Variants in TSACC observed in about 807,000 individuals in gnomAD.
The protein encoded by TSACC is TSSK6 activating cochaperone, also known as TSSK6-activating co-chaperone protein.
A neutral mutation model predicts 6.9 loss-of-function variants in TSACC; 3 were observed. The ratio of observed to expected loss-of-function variants is 0.43; its 90% CI spans 0.20 to 1.12. TSACC has a LOEUF of 1.12. Among genes scored for constraint, TSACC ranks in the 50% most tolerant of loss-of-function variants. The probability of loss-of-function intolerance (pLI) is 0.28; values close to 1 mark genes in which losing one functional copy is unlikely to be tolerated. For synonymous variants in TSACC, 54 were observed against 55.1 expected (o/e 0.98, Z 0.09); for missense variants, 137 against 143.9 (o/e 0.95, Z 0.24).
At chr1:156,342,173 T>G (rs536411026) in intron 2 of TSACC, among the ~76,000 whole-genome samples, 1 of 152,216 alleles carries the variant, frequency 6.6e-6, no homozygotes, top group South Asian at 2.1e-4. Flanking sequence ...GCATGGAAAT[T>G]AACACATTAT....
intron 2 of TSACC, among the ~76,000 whole-genome samples, chr1:156,342,901 CCTA>C (rs1435293849): frequency 6.6e-6 from 1 of 152,132 alleles, no homozygotes; most frequent in African/African-American, 2.4e-5. Context: ...TTATTGTCTC[CCTA>C]CTGTCTTGCC....
Position 156,344,660 on chromosome 1 carries a change from TC to T in TSACC, c.119del (p.Pro40HisfsTer6). ...CAGCTATATTAATCTTCAAGCAAGT[TC>T]CCCACCAGCCACTTTTCTGAACATC... ...SPSYINLQAS[S>X]PPATFLNIQT... On this transcript the variant is annotated frameshift_variant, in exon 3 of 4. Coordinates refer to ENST00000368254, the MANE Select transcript of TSACC (RefSeq NM_001304817.2). LOFTEE classifies it low-confidence loss of function (END_TRUNC). The T allele has an allele frequency of 1.2e-6, 2 of 1,613,588 alleles. No individual in the cohort carries two copies. The highest frequency in any genetic ancestry group is 1.7e-6 in the Non-Finnish European group (2 of 1,179,934).
chr1:156,338,140 T>C (rs1242378227), upstream of TSACC: 1 of 1,582,232 alleles, frequency 6.3e-7, no homozygotes, highest in Admixed American at 1.9e-5. Flanking sequence ...TTTCCTGGCA[T>C]CCCCAGAACT....
intron 2 of TSACC, among the ~76,000 whole-genome samples, chr1:156,341,672 A>T (rs975808566): frequency 1.3e-5 from 2 of 152,182 alleles, no homozygotes; most frequent in African/African-American, 4.8e-5. Flanking sequence ...GTGTGTGTAA[A>T]GCAGTCTCTT....
intron 2 of TSACC, among the ~76,000 whole-genome samples, chr1:156,342,038 G>C (rs1665918730): frequency 6.7e-6 from 1 of 150,010 alleles, no homozygotes; most frequent in Admixed American, 6.6e-5. Flanking sequence ...CTCCAGCCTG[G>C]GCGACAGAGC....
upstream of TSACC, chr1:156,338,070 G>A (rs754420473): frequency 1.7e-5 from 25 of 1,457,496 alleles, no homozygotes; most frequent in Admixed American, 2.0e-4. Context: ...CCGGTCAGTG[G>A]GGGACGGAGC....
intron 2 of TSACC, among the ~76,000 whole-genome samples, chr1:156,340,346 A>G (rs1385476772): frequency 6.6e-6 from 1 of 151,542 alleles, no homozygotes; most frequent in African/African-American, 2.4e-5. Flanking sequence ...TTTTTAGTAG[A>G]GACGGGGTTT....
intron 3 of TSACC, 111 bp from the exon 4 acceptor site, chr1:156,346,657 G>A (rs1231200663): frequency 9.7e-7 from 1 of 1,035,458 alleles, no homozygotes; most frequent in African/African-American, 1.6e-5. Context: ...GGGTTGGGTT[G>A]TGCCTGGAAA....
chr1:156,339,254 C>A (rs1401605816), intron 1 of TSACC, among the ~76,000 whole-genome samples: 1 of 140,798 alleles, frequency 7.1e-6, no homozygotes, highest in African/African-American at 2.5e-5. Flanking sequence ...CAGAGCGAGA[C>A]TCCATCTCAA....
chr1:156,340,458 CTTT>C (rs1294722828), intron 2 of TSACC, among the ~76,000 whole-genome samples: 2 of 111,780 alleles, frequency 1.8e-5, no homozygotes, highest in African/African-American at 3.2e-5. Context: ...CGCCCCCGGC[CTTT>C]TTTTTTTTTT....
intron 2 of TSACC, among the ~76,000 whole-genome samples, chr1:156,341,919 G>A (rs1056481240): frequency 1.3e-5 from 2 of 151,902 alleles, no homozygotes; most frequent in South Asian, 2.1e-4. Flanking sequence ...AAAATTAGCC[G>A]GGCATTGTAG....
chr1:156,339,138 C>CCTGTAATCCCAGCTACTCAGGA, intron 1 of TSACC, among the ~76,000 whole-genome samples: 1 of 152,074 alleles, frequency 6.6e-6, no homozygotes, highest in South Asian at 2.1e-4. Flanking sequence ...GTGGCGCGCG[C>CCTGTAATCCCAGCTACTCAGGA]CTGTAATCCC....
chr1:156,339,250 G>C (rs928678494), intron 1 of TSACC, among the ~76,000 whole-genome samples: 10 of 147,858 alleles, frequency 6.8e-5, no homozygotes, highest in African/African-American at 2.5e-4. Context: ...GCGACAGAGC[G>C]AGACTCCATC....
chr1:156,346,193 C>CAA (rs60688957), intron 3 of TSACC, among the ~76,000 whole-genome samples: 9 of 53,560 alleles, frequency 1.7e-4, no homozygotes, highest in South Asian at 6.6e-4. Flanking sequence ...ACTCCGTCTC[C>CAA]AAAAAAAAAA....
At chr1:156,346,743 A>C (rs748494113) in intron 3 of TSACC, 25 bp from the exon 4 acceptor site, 1 of 1,609,148 alleles carries the variant, frequency 6.2e-7, no homozygotes, top group Non-Finnish European at 8.5e-7. Context: ...GTTCCCTTGC[A>C]CCTCCGTTGC....
At chr1:156,337,638 C>T (rs899456817), upstream of TSACC, 11 of 167,508 alleles carry the variant, frequency 6.6e-5, no homozygotes, top group African/African-American at 2.2e-4. Context: ...AGGATATTAC[C>T]TATTTACCAG....
At chr1:156,345,196 CAAAG>C (rs543725817) in intron 3 of TSACC, among the ~76,000 whole-genome samples, 29 of 152,268 alleles carry the variant, frequency 1.9e-4, no homozygotes, top group African/African-American at 5.5e-4. Flanking sequence ...CAGAGTCCAA[CAAAG>C]AAGTCAAGAC....
At position 156,346,810 on chromosome 1, in the gene TSACC, T is replaced by C; in HGVS notation, c.206T>C (p.Met69Thr). 3.7e-6 allele frequency: 6 copies of C among 1,614,166 alleles called. No individual in the cohort carries two copies. The highest frequency in any genetic ancestry group is 1.1e-5 in the South Asian group (1 of 91,082). The change falls in exon 4 of 4, where the codon ATG (methionine) becomes ACG (threonine). Residue 69 changes from methionine to threonine, a missense_variant. Physicochemically the swap from Met to Thr is moderately conservative, Grantham distance 81. Coordinates refer to ENST00000368254, the MANE Select transcript of TSACC (RefSeq NM_001304817.2). ...GAATGCCTAGGACTCCTGGAATGTA[T>C]GTATGCAAACCTCCAGCTTCAGACC... ...PKECLGLLEC[M>T]YANLQLQTQL...
At chr1:156,341,948 G>A (rs988372844) in intron 2 of TSACC, among the ~76,000 whole-genome samples, 1 of 151,742 alleles carries the variant, frequency 6.6e-6, no homozygotes, top group African/African-American at 2.4e-5. Flanking sequence ...TGTAGTCCCA[G>A]CTACTTGGGA....
Sources: allele counts gnomAD v4.1 joint callset (sites outside exome capture counted in the v4.1 genomes callset), GRCh38; gene constraint gnomAD v4.1.1; transcripts MANE v1.5; gene names NCBI Gene and HGNC (gene_info 2026-07-23, HGNC 2026-07-21).